The following SLC35E4 variants were observed in gnomAD, a reference collection of about 807,000 sequenced individuals.
The protein encoded by SLC35E4 is solute carrier family 35, member E4.
A neutral mutation model predicts 19.3 loss-of-function variants in SLC35E4; 15 were observed. The observed-to-expected ratio is 0.78, with a 90% confidence interval of 0.52 to 1.20. The LOEUF is 1.20. Among genes scored for constraint, SLC35E4 ranks in the 50% most tolerant of loss-of-function variants. SLC35E4 has a pLI of 0.00. For missense variants in SLC35E4, 406 were observed against 472.3 expected (o/e 0.86, Z 1.30); for synonymous variants, 219 against 219.9 (o/e 1.00, Z 0.04).
At chr22:30,655,310 A>AG (rs2088313379) in intron 2 of SLC35E4, among the ~76,000 whole-genome samples, 1 of 146,130 alleles carries the variant, frequency 6.8e-6, no homozygotes, top group Admixed American at 6.8e-5. Context: ...AAAAAAAAAT[A>AG]GCCAAGTATG....
intron 2 of SLC35E4, among the ~76,000 whole-genome samples, chr22:30,657,507 C>G (rs371160943): frequency 1.3e-5 from 2 of 150,942 alleles, no homozygotes; most frequent in South Asian, 4.2e-4. Context: ...GCCTATAATC[C>G]CAGCACTTTG....
downstream of SLC35E4, chr22:30,667,614 G>C (rs1339310768): frequency 1.3e-5 from 2 of 152,628 alleles, no homozygotes; most frequent in East Asian, 1.9e-4. Context: ...TGGGCTCGTC[G>C]CAGAAAGGAA....
intron 1 of SLC35E4, 136 bp downstream of exon 1, chr22:30,637,205 A>G (rs1180211867): frequency 7.5e-7 from 1 of 1,340,292 alleles, no homozygotes; most frequent in Non-Finnish European, 9.9e-7. Flanking sequence ...AGGAAGCAGA[A>G]CTGAGGCTCA....
chr22:30,666,421 G>C (rs2088666409), downstream of SLC35E4, among the ~76,000 whole-genome samples: 1 of 152,010 alleles, frequency 6.6e-6, no homozygotes, highest in Non-Finnish European at 1.5e-5. Flanking sequence ...AGGAGTTCAA[G>C]ACCAGCCTGA....
Position 30,658,862 on chromosome 22 carries a change from C to A in SLC35E4, c.*9-3198C>A, listed in dbSNP as rs536638684. ...GCAAAGGCTTTGAAACTGAACTGAT[C>A]GGCTGGGCGCGGTGGCTCACGCCTG... On this transcript the variant is annotated intron_variant, in intron 2 of 2. Transcript: ENST00000406566. Among the ~76,000 whole-genome samples the A allele has an allele frequency of 1.2e-4, 19 of 152,004 alleles. No homozygotes were observed. In the South Asian group the frequency reaches 1.9e-3, roughly 15 times the overall value.
chr22:30,655,429 C>CTAAAA lies in SLC35E4; in HGVS notation c.*8+6176_*8+6177insTAAAA, dbSNP rs1389184839. On this transcript the variant is annotated intron_variant, in intron 2 of 2. Transcript: ENST00000406566. Reference sequence around the variant, plus strand: ...TCTGGGTAACAGAGTGAGATCCTACCAAAAAAAAAAAAAAAAAAAGAAAAA... The same window carrying CTAAAA: ...TCTGGGTAACAGAGTGAGATCCTACCTAAAAAAAAAAAAAAAAAAAAAAAGAAAAA... Among the ~76,000 whole-genome samples the CTAAAA allele has an allele frequency of 2.6e-4, 29 of 111,410 alleles. 4 individuals are homozygous for CTAAAA. Among genetic ancestry groups the CTAAAA allele is most frequent in the South Asian group, 8.4e-4 (3 of 3,584 alleles). 73.1% of individuals were successfully genotyped at this position (111,410 alleles called of 152,430 possible).
downstream of SLC35E4, chr22:30,664,046 G>C: frequency 2.6e-6 from 4 of 1,542,602 alleles, no homozygotes; most frequent in Non-Finnish European, 3.5e-6. Context: ...AAGCACGAAG[G>C]CTGCGTCTTT....
chr22:30,656,869 C>G (rs1354653577), intron 2 of SLC35E4, among the ~76,000 whole-genome samples: 1 of 152,166 alleles, frequency 6.6e-6, no homozygotes, highest in East Asian at 1.9e-4. Context: ...AATCACAGCA[C>G]TTTCGGAGGC....
intron 2 of SLC35E4, among the ~76,000 whole-genome samples, chr22:30,653,512 C>T (rs1161391692): frequency 6.6e-6 from 1 of 151,988 alleles, no homozygotes; most frequent in Non-Finnish European, 1.5e-5. Context: ...GGTGGAACTA[C>T]AGGTGCACAC....
intron 2 of SLC35E4, among the ~76,000 whole-genome samples, chr22:30,659,943 A>G (rs2088425600): frequency 6.6e-6 from 1 of 152,224 alleles, no homozygotes; most frequent in Non-Finnish European, 1.5e-5. Flanking sequence ...GCACACGTAG[A>G]AAGCACCAGA....
chr22:30,636,972 C>T lies in SLC35E4; in HGVS notation c.522C>T (p.Ala174=), dbSNP rs1419786180. The part of the protein sequence containing the change: ...LAAMGPLCLG[A]ACSLAGEFRT... The stretch of plus-strand genomic sequence containing the variant: ...CCATGGGTCCGCTCTGCCTGGGGGC[C>T]GCCTGCAGCCTGGCTGGAGAGTTCC... The change falls in exon 1 of 2, where the codon GCC becomes GCT. Residue 174 remains alanine (A), a synonymous_variant. Coordinates refer to ENST00000343605, the MANE Select transcript of SLC35E4 (RefSeq NM_001001479.4). The T allele has an allele frequency of 8.1e-6, 13 of 1,612,066 alleles. No individual in the cohort carries two copies. The highest frequency in any genetic ancestry group is 1.1e-5 in the South Asian group (1 of 91,018).
In SLC35E4 at chr22:30,636,569, C is replaced by T. The variant is rs1295732016; in HGVS notation, c.119C>T (p.Ala40Val). 7.0e-6 allele frequency: 11 copies of T among 1,581,492 alleles called. No homozygotes were observed. The highest frequency in any genetic ancestry group is 1.1e-5 in the South Asian group (1 of 87,748). The change falls in exon 1 of 2, where the codon GCC becomes GTC. Residue 40 changes from alanine (A) to valine (V), a missense_variant. By Grantham distance (64) the Ala-to-Val change is moderately conservative (BLOSUM62 0). Coordinates refer to ENST00000343605, the MANE Select transcript of SLC35E4 (RefSeq NM_001001479.4). ...GAGTGGCCCCCTGGCAGCCCTCAGGCCCTCCGGCAGCCTGGCCGGGCCCGA... is the reference window on the plus strand; with the variant it reads ...GAGTGGCCCCCTGGCAGCCCTCAGGTCCTCCGGCAGCCTGGCCGGGCCCGA... Reference protein sequence around the residue: ...PPEWPPGSPQALRQPGRARVA... With the variant: ...PPEWPPGSPQVLRQPGRARVA...
At chr22:30,641,894 A>C (rs1011930093) in intron 1 of SLC35E4, among the ~76,000 whole-genome samples, 1 of 152,002 alleles carries the variant, frequency 6.6e-6, no homozygotes, top group Non-Finnish European at 1.5e-5. Context: ...AGCTGATCTC[A>C]TAGACTGGTT....
At chr22:30,654,238 C>A in intron 2 of SLC35E4, 1 of 371,294 alleles carries the variant, frequency 2.7e-6, no homozygotes, top group Non-Finnish European at 5.3e-6. Context: ...CCCGCCTCCG[C>A]CTCCCAAAGT....
In SLC35E4 at chr22:30,647,293, G is replaced by A; in HGVS notation, c.*262G>A. On this transcript the variant is annotated 3_prime_UTR_variant, in exon 2 of 2. Transcript: ENST00000343605. ...CGTGCCTATAGTCCCAGCTACATGG[G>A]AGGCTAAGGTGGGAGGATCACTTGA... 2.1e-6 allele frequency: 1 copy of A among 469,428 alleles called. No homozygotes were observed. The highest frequency in any genetic ancestry group is 2.9e-5 in the South Asian group (1 of 34,752). The allele number at this position is 469,428 out of a possible 1,614,324, so 29.1% of individuals were successfully genotyped here. A position where few individuals can be genotyped will look rare whatever the true frequency, so the allele number is the denominator to read the frequency against.
In SLC35E4 at chr22:30,636,587, G is replaced by T; in HGVS notation, c.137G>T (p.Arg46Leu). 1 of 1,599,896 alleles carries T rather than the reference G, an allele frequency of 6.3e-7. No individual in the cohort carries two copies. Residue 46 changes from arginine to leucine, a missense_variant, in exon 1 of 2, where the codon CGG (arginine) becomes CTG (leucine). By Grantham distance (102) the Arg-to-Leu change is moderately radical. Coordinates refer to ENST00000343605, the MANE Select transcript of SLC35E4 (RefSeq NM_001001479.4). ...GSPQALRQPGRARVAMAALVW... is the reference protein window; with the variant it reads ...GSPQALRQPGLARVAMAALVW... ...CCTCAGGCCCTCCGGCAGCCTGGCC[G>T]GGCCCGAGTGGCCATGGCAGCACTG...
downstream of SLC35E4, chr22:30,664,185 C>T (rs550808397): frequency 4.9e-6 from 3 of 614,360 alleles, no homozygotes; most frequent in African/African-American, 1.8e-5. Flanking sequence ...CCAAGGCAGT[C>T]CTCTGACCAT....
At chr22:30,663,869 C>G, downstream of SLC35E4, 2 of 1,614,202 alleles carry the variant, frequency 1.2e-6, no homozygotes, top group Non-Finnish European at 1.7e-6. Flanking sequence ...CCATGGTGAT[C>G]TGGTTGCTAG....
In SLC35E4 at chr22:30,636,749, G is replaced by A. The variant is rs1279048883; in HGVS notation, c.299G>A (p.Arg100His). The change falls in exon 1 of 2, where the codon CGC becomes CAC. Residue 100 changes from arginine to histidine, a missense_variant. Transcript: ENST00000343605. The stretch of plus-strand genomic sequence containing the variant: ...CTGGCATGCCACCGGGGGGCACGGC[G>A]CCCCATGCCAGGCGGCACTCGCTGC... ...AALACHRGAR[R>H]PMPGGTRCRV... is the part of the protein sequence containing the mutation. 1 of 1,612,034 alleles carries A rather than the reference G, an allele frequency of 6.2e-7. No homozygotes were observed.
Sources: allele counts gnomAD v4.1 joint callset (sites outside exome capture counted in the v4.1 genomes callset), GRCh38; gene constraint gnomAD v4.1.1; transcripts MANE v1.5; gene names NCBI Gene and HGNC (gene_info 2026-07-23, HGNC 2026-07-21).